Variants in KLHL32 observed in about 807,000 individuals in gnomAD.
KLHL32 encodes the protein kelch like family member 32.
In KLHL32, 35 loss-of-function variants were observed where a neutral mutation model predicts 64.8. The observed-to-expected ratio is 0.54, with a 90% CI of 0.41 to 0.72. The LOEUF is 0.72. Among genes scored for constraint, KLHL32 ranks in the 30% least tolerant of loss-of-function variants. The pLI is 0.00. For missense variants in KLHL32, 589 were observed against 768.5 expected, an observed-to-expected ratio of 0.77 and a Z score of 2.76; for synonymous variants, 259 against 281.0, an observed-to-expected ratio of 0.92 and a Z score of 0.78.
At chr6:96,942,662 T>TGTGC (rs1771449229) in intron 1 of KLHL32, among the ~76,000 whole-genome samples, 1 of 148,402 alleles carries the variant, frequency 6.7e-6, no homozygotes, top group Non-Finnish European at 1.5e-5. Flanking sequence ...GGGGTGTGTG[T>TGTGC]GTGTGTGTGT....
At chr6:97,036,254 C>G (rs1391592001) in intron 3 of KLHL32, among the ~76,000 whole-genome samples, 2 of 152,098 alleles carry the variant, frequency 1.3e-5, no homozygotes, top group Non-Finnish European at 2.9e-5. Context: ...ATTTCTCTAA[C>G]TTTCCCTTTT....
chr6:97,012,732 C>T (rs570265097), intron 3 of KLHL32, among the ~76,000 whole-genome samples: 5 of 152,172 alleles, frequency 3.3e-5, no homozygotes, highest in East Asian at 1.9e-4. Context: ...TGTTGAGAAA[C>T]GTAATTCAGT....
At chr6:97,019,006 T>C (rs1582730496) in intron 3 of KLHL32, among the ~76,000 whole-genome samples, 1 of 152,178 alleles carries the variant, frequency 6.6e-6, no homozygotes, top group Non-Finnish European at 1.5e-5. Flanking sequence ...ACAAAAATGA[T>C]AGTTAAGTAG....
chr6:96,944,639 T>C (rs1422579878), intron 1 of KLHL32, among the ~76,000 whole-genome samples: 1 of 152,240 alleles, frequency 6.6e-6, no homozygotes, highest in Non-Finnish European at 1.5e-5. Context: ...TAGGTTTACC[T>C]CTGTCTTAAT....
intron 4 of KLHL32, among the ~76,000 whole-genome samples, chr6:97,045,132 G>A (rs558369581): frequency 2.0e-5 from 3 of 152,260 alleles, no homozygotes; most frequent in South Asian, 2.1e-4. Flanking sequence ...AAAATAGTAA[G>A]TATAAAGGAA....
the KLHL32 span, among the ~76,000 whole-genome samples, chr6:96,898,632 C>A: frequency 6.6e-6 from 1 of 152,018 alleles, no homozygotes; most frequent in Non-Finnish European, 1.5e-5. Flanking sequence ...TTCTCTCTTG[C>A]CTTCTTCATT....
chr6:96,939,706 A>G (rs899976510), intron 1 of KLHL32, among the ~76,000 whole-genome samples: 1 of 152,114 alleles, frequency 6.6e-6, no homozygotes, highest in Non-Finnish European at 1.5e-5. Flanking sequence ...ACGGGTAGAG[A>G]AGGACTGCAC....
At chr6:97,077,140 C>T (rs1791721110) in intron 5 of KLHL32, among the ~76,000 whole-genome samples, 1 of 152,104 alleles carries the variant, frequency 6.6e-6, no homozygotes, top group Non-Finnish European at 1.5e-5. Context: ...AATTAAAAGT[C>T]AGAGGAGGGA....
At chr6:96,970,266 C>T (rs1774967530) in intron 2 of KLHL32, among the ~76,000 whole-genome samples, 4 of 152,150 alleles carry the variant, frequency 2.6e-5, no homozygotes, top group Non-Finnish European at 5.9e-5. Context: ...TTCCCATTGC[C>T]CTTAGGATAA....
chr6:97,132,706 G>A lies in KLHL32; in HGVS notation c.1660G>A (p.Gly554Arg). 6.2e-7 allele frequency: 1 copy of A among 1,613,140 alleles called. No homozygotes were observed. Among genetic ancestry groups the A allele is most frequent in the Non-Finnish European group, 8.5e-7 (1 of 1,179,494 alleles). The part of the protein sequence containing the change: ...VHNGRIYLVG[G>R]YSIWTNEPLA... ...TAATGGGAGAATATATTTAGTTGGT[G>A]GATATTCAATTTGGACAAATGAGCC... Residue 554 changes from glycine (G) to arginine (R), a missense_variant, in exon 10 of 11, where the codon GGA becomes AGA. This residue lies in a region of KLHL32 where 172 missense variants were observed against 192.0 expected (regional missense o/e 0.90). Coordinates refer to ENST00000369261, the MANE Select transcript of KLHL32 (RefSeq NM_052904.4).
At position 97,082,545 on chromosome 6, in the gene KLHL32, G is replaced by A. The variant is rs528901758; in HGVS notation, c.412-2581G>A. 1.3e-4 allele frequency among the ~76,000 whole-genome samples: 20 copies of A among 151,844 alleles called. No homozygotes were observed. The East Asian group carries it at 2.3e-3, about 18-fold the overall frequency. ...GGAGAATGGCATGAACCCGGGAGGC[G>A]GAGCTTGCACTGAGCCAAGATAGCA... is the stretch of plus-strand genomic sequence containing the variant. On this transcript the variant is annotated intron_variant, in intron 5 of 10. Transcript: ENST00000369261.
chr6:97,054,000 A>G (rs1787382128), intron 4 of KLHL32, among the ~76,000 whole-genome samples: 4 of 152,048 alleles, frequency 2.6e-5, no homozygotes, highest in African/African-American at 9.7e-5. Context: ...TTTTTCCTTA[A>G]AATAGAATTC....
chr6:97,135,136 CAAT>C (rs1799848157), intron 10 of KLHL32, among the ~76,000 whole-genome samples: 1 of 151,850 alleles, frequency 6.6e-6, no homozygotes, highest in Non-Finnish European at 1.5e-5. Flanking sequence ...TGAGATTGTA[CAAT>C]AATATATTCT....
At chr6:97,019,572 T>A (rs1781704644) in intron 3 of KLHL32, among the ~76,000 whole-genome samples, 1 of 152,206 alleles carries the variant, frequency 6.6e-6, no homozygotes, top group Non-Finnish European at 1.5e-5. Context: ...GTGAAGTCGG[T>A]CTGCCCACAG....
At chr6:96,981,780 T>A (rs192901588) in intron 3 of KLHL32, among the ~76,000 whole-genome samples, 1 of 152,288 alleles carries the variant, frequency 6.6e-6, no homozygotes, top group Non-Finnish European at 1.5e-5. Flanking sequence ...TAAATAATTT[T>A]TTGACTTCTA....
intron 3 of KLHL32, among the ~76,000 whole-genome samples, chr6:97,024,228 A>T (rs1178696017): frequency 6.6e-6 from 1 of 152,246 alleles, no homozygotes; most frequent in Non-Finnish European, 1.5e-5. Flanking sequence ...ACGGGCTGTT[A>T]CAGAGCCTCA....
chr6:97,137,355 A>C (rs1276287787), intron 10 of KLHL32, among the ~76,000 whole-genome samples: 3 of 152,160 alleles, frequency 2.0e-5, no homozygotes, highest in African/African-American at 7.2e-5. Context: ...TATATGAGTG[A>C]GTTATTTTAA....
At chr6:97,103,768 C>CA (rs1554240524) in intron 6 of KLHL32, among the ~76,000 whole-genome samples, 1 of 76,810 alleles carries the variant, frequency 1.3e-5, no homozygotes, top group Non-Finnish European at 3.0e-5. Context: ...GAATTATAGA[C>CA]AAAAAAATGT....
At chr6:96,922,734 C>G (rs1422138218), upstream of KLHL32, among the ~76,000 whole-genome samples, 1 of 151,984 alleles carries the variant, frequency 6.6e-6, no homozygotes, top group African/African-American at 2.4e-5. Context: ...ATAATGGTAC[C>G]TAAGAGAGAA....
Sources: gnomAD v4.1 joint callset for allele counts (sites outside exome capture counted in the v4.1 genomes callset) on GRCh38, gnomAD v4.1.1 for gene constraint, gnomAD v4.1.1 regional missense constraint, MANE v1.5 for transcripts, NCBI Gene and HGNC (gene_info 2026-07-23, HGNC 2026-07-21) for gene names.